Variants in USP3 observed in about 807,000 individuals in gnomAD.
USP3 encodes ubiquitin specific peptidase 3, also known as ubiquitin carboxyl-terminal hydrolase 3.
A neutral mutation model predicts 72.3 loss-of-function variants in USP3; 20 were observed. The ratio of observed to expected loss-of-function variants is 0.28; its 90% CI spans 0.19 to 0.40. The LOEUF (loss-of-function observed/expected upper bound fraction) is 0.40, where lower values mean the gene tolerates loss of function less well. USP3 is among the 10% of genes least tolerant of loss of function. USP3 has a pLI of 1.00. For synonymous variants in USP3, 222 were observed against 225.3 expected (o/e 0.99, Z 0.13); for missense variants, 479 against 633.9 (o/e 0.76, Z 2.62).
At chr15:63,538,709 C>A (rs548658932) in intron 3 of USP3, among the ~76,000 whole-genome samples, 6 of 151,888 alleles carry the variant, frequency 4.0e-5, no homozygotes, top group Non-Finnish European at 8.8e-5. Context: ...CCACTCCCGG[C>A]TAATTTTTTT....
At chr15:63,549,618 G>A (rs1030819411) in intron 3 of USP3, among the ~76,000 whole-genome samples, 5 of 152,102 alleles carry the variant, frequency 3.3e-5, no homozygotes, top group African/African-American at 9.7e-5. Flanking sequence ...AAATGTGTAC[G>A]ATCATTGATT....
At position 63,537,779 on chromosome 15, in the gene USP3, G is replaced by A. The variant is rs953948455; in HGVS notation, c.284+623G>A. Among the ~76,000 whole-genome samples the A allele has an allele frequency of 2.6e-5, 4 of 152,146 alleles. No individual in the cohort carries two copies. In the South Asian group the frequency reaches 6.2e-4, roughly 24 times the overall value. On this transcript the variant is annotated intron_variant, in intron 3 of 14. Transcript: ENST00000380324. ...CGGCTCACCTCAATGTCTGCCTCCC[G>A]GGTTCAAGCAACTCTCCTGCCTCAG... is the stretch of plus-strand genomic sequence containing the variant.
chr15:63,553,006 A>T lies in USP3; in HGVS notation c.285-709A>T, dbSNP rs1308051977. 6.6e-6 allele frequency among the ~76,000 whole-genome samples: 1 copy of T among 152,246 alleles called. No individual in the cohort carries two copies. Among genetic ancestry groups the T allele is most frequent in the East Asian group, 1.9e-4 (1 of 5,208 alleles). ...TGCTAATGTGAACAAGTTAAAGTTT[A>T]TATTATGTGTGATTTCTTACATTAT... On this transcript the variant is annotated intron_variant, in intron 3 of 14. Coordinates refer to ENST00000380324, the MANE Select transcript of USP3 (RefSeq NM_006537.4). This position sits in a 1 kb window ranked among gnomAD's most constrained non-coding sequence, Gnocchi z 4.2.
At chr15:63,535,281 TG>T (rs1228901891) in intron 2 of USP3, among the ~76,000 whole-genome samples, 1 of 152,226 alleles carries the variant, frequency 6.6e-6, no homozygotes, top group Non-Finnish European at 1.5e-5. Flanking sequence ...CATGTTATCT[TG>T]AAATATGTGC....
Position 63,529,170 on chromosome 15 carries a change from G to A in USP3, c.92-3477G>A, listed in dbSNP as rs2066029609. 3 of 662,442 alleles carry A rather than the reference G, an allele frequency of 4.5e-6. No individual in the cohort carries two copies. Among genetic ancestry groups the A allele is most frequent in the Non-Finnish European group, 7.0e-6 (3 of 427,408 alleles). 41.0% of individuals were successfully genotyped at this position (662,442 alleles called of 1,614,324 possible). On this transcript the variant is annotated intron_variant, in intron 1 of 14. Transcript: ENST00000380324. The surrounding 1 kb of genome is among the most constrained non-coding windows in gnomAD (Gnocchi z 4.2). ...CAATCACCACCACACTTGGCAGGTA[G>A]TAAAGTGGTTTTTTTTTTTTTCTTT... is the stretch of plus-strand genomic sequence containing the variant.
rs1178979299 is a variant in USP3, at chr15:63,529,541, A to T, written c.92-3106A>T. Among the ~76,000 whole-genome samples the T allele has an allele frequency of 1.3e-5, 2 of 152,160 alleles. No individual in the cohort carries two copies. The highest frequency in any genetic ancestry group is 2.4e-5 in the African/African-American group (1 of 41,434). ...AAATGTGTTATTGAATTGAGAAATT[A>T]AAAAAAATTAAAGCCTTGTGAGATA... is the stretch of plus-strand genomic sequence containing the variant. On this transcript the variant is annotated intron_variant, in intron 1 of 14. Transcript: ENST00000380324. The surrounding 1 kb of genome is among the most constrained non-coding windows in gnomAD (Gnocchi z 4.2).
intron 1 of USP3, among the ~76,000 whole-genome samples, chr15:63,505,869 A>G (rs1410933476): frequency 1.3e-5 from 2 of 152,194 alleles, no homozygotes; most frequent in African/African-American, 4.8e-5. Context: ...AGAAATATAG[A>G]AAAACGGCAA....
intron 1 of USP3, among the ~76,000 whole-genome samples, chr15:63,514,792 G>A (rs1462330660): frequency 6.6e-6 from 1 of 152,130 alleles, no homozygotes; most frequent in Non-Finnish European, 1.5e-5. Flanking sequence ...TGAAATAATA[G>A]TTGAGTGGTG....
rs143756078 is a variant in USP3 at position 63,580,294 on chromosome 15, G to C, written c.1096+5891G>C. Among the ~76,000 whole-genome samples the C allele has an allele frequency of 9.7e-3, 1,480 of 152,176 alleles. 13 individuals are homozygous for C. The highest frequency in any genetic ancestry group is 0.026 in the East Asian group (133 of 5,186). ...TTAAAATTCTTAAACAGCATACACT[G>C]TGCTGTTCACAGTGATTATCTCAGG... On this transcript the variant is annotated intron_variant, in intron 11 of 14. Coordinates refer to ENST00000380324, the MANE Select transcript of USP3 (RefSeq NM_006537.4).
At chr15:63,564,351 G>T (rs2066654681) in intron 8 of USP3, among the ~76,000 whole-genome samples, 1 of 152,090 alleles carries the variant, frequency 6.6e-6, no homozygotes, top group African/African-American at 2.4e-5. Context: ...ATCTCGTGGG[G>T]TAATGACCAA....
intron 8 of USP3, among the ~76,000 whole-genome samples, chr15:63,566,460 G>T (rs149531971): frequency 1.3e-5 from 2 of 151,910 alleles, no homozygotes; most frequent in Non-Finnish European, 2.9e-5. Flanking sequence ...CTACAGGTGC[G>T]TGCCACCATA....
intron 1 of USP3, chr15:63,527,747 T>C (rs1442871007): frequency 6.6e-6 from 1 of 152,280 alleles, no homozygotes; most frequent in East Asian, 1.9e-4. Context: ...CCCTGGTTTC[T>C]GCTCCGGTCT....
In USP3 at chr15:63,588,302, T is replaced by C; in HGVS notation, c.1097-3T>C. ...TTAATGCTGCCAAAATCAATTTGTT[T>C]AGATTGTCTTCGCAGTTTTACCGAC... On this transcript the variant is annotated splice_polypyrimidine_tract_variant and splice_region_variant and intron_variant, in intron 11 of 14. Coordinates refer to ENST00000380324, the MANE Select transcript of USP3 (RefSeq NM_006537.4). This position sits in a 1 kb window ranked among gnomAD's most constrained non-coding sequence, Gnocchi z 4.6. The C allele has an allele frequency of 1.3e-6, 2 of 1,590,984 alleles. No individual in the cohort carries two copies. The highest frequency in any genetic ancestry group is 2.2e-5 in the East Asian group (1 of 44,644).
chr15:63,521,317 C>T (rs905662943), intron 1 of USP3, among the ~76,000 whole-genome samples: 1 of 152,094 alleles, frequency 6.6e-6, no homozygotes, highest in African/African-American at 2.4e-5. Flanking sequence ...TTTGTAGTTA[C>T]AAATAATGCA....
chr15:63,578,856 G>C (rs73444663), intron 11 of USP3, among the ~76,000 whole-genome samples: 3,482 of 152,168 alleles, frequency 0.023, 129 homozygotes, highest in African/African-American at 0.077. Flanking sequence ...TTTGCAGGCA[G>C]ATTGATTATA....
intron 3 of USP3, among the ~76,000 whole-genome samples, chr15:63,545,183 T>C (rs1357819045): frequency 1.3e-5 from 2 of 152,230 alleles, no homozygotes; most frequent in Non-Finnish European, 2.9e-5. Context: ...TCAAGCTGAT[T>C]TTATTCATTG....
intron 6 of USP3, among the ~76,000 whole-genome samples, chr15:63,559,638 T>C (rs2152672636): frequency 6.6e-6 from 1 of 152,330 alleles, no homozygotes; most frequent in Middle Eastern, 3.4e-3. Flanking sequence ...TCTTTGTTTT[T>C]TGTTTTTGTT....
chr15:63,531,016 C>T (rs764600087), intron 1 of USP3, among the ~76,000 whole-genome samples: 1 of 152,154 alleles, frequency 6.6e-6, no homozygotes, highest in East Asian at 1.9e-4. Flanking sequence ...AAGGATGGCC[C>T]TCATACTGAA....
At chr15:63,582,042 C>T (rs2066972987) in intron 11 of USP3, among the ~76,000 whole-genome samples, 1 of 152,098 alleles carries the variant, frequency 6.6e-6, no homozygotes. Context: ...TTGGAGAAAA[C>T]TCAAAAAAGT....
Sources: allele counts gnomAD v4.1 joint callset (sites outside exome capture counted in the v4.1 genomes callset), GRCh38; gene constraint gnomAD v4.1.1; non-coding constraint Gnocchi (gnomAD v3.1); transcripts MANE v1.5; gene names NCBI Gene and HGNC (gene_info 2026-07-23, HGNC 2026-07-21).